Variants in DNAH5 observed in about 807,000 individuals in gnomAD.
The protein encoded by DNAH5 is axonemal beta dynein heavy chain 5.
DNAH5 carries 372 observed loss-of-function variants against 518.2 expected under a neutral mutation model. The observed-to-expected ratio is 0.72, with a 90% confidence interval of 0.66 to 0.78. DNAH5 has a LOEUF of 0.78. Among genes scored for constraint, DNAH5 ranks in the 30% least tolerant of loss-of-function variants. DNAH5 has a pLI of 0.00. For synonymous variants in DNAH5, 2,039 were observed against 2,025.9 expected (o/e 1.01, Z -0.17); for missense variants, 5,523 against 5,687.0 (o/e 0.97, Z 0.93).
intron 1 of DNAH5, among the ~76,000 whole-genome samples, chr5:13,984,461 A>G (rs1782893599): frequency 6.6e-6 from 1 of 152,208 alleles, no homozygotes; most frequent in African/African-American, 2.4e-5. Context: ...ATATATAATC[A>G]TGTCATCTGC....
At chr5:13,952,861 C>A (rs1200894706) in intron 1 of DNAH5, among the ~76,000 whole-genome samples, 3 of 152,168 alleles carry the variant, frequency 2.0e-5, no homozygotes, top group Admixed American at 6.5e-5. Flanking sequence ...TAGCTCACTG[C>A]AGCCTGGAAT....
At chr5:13,942,791 C>A (rs1323627367) in intron 1 of DNAH5, among the ~76,000 whole-genome samples, 1 of 152,202 alleles carries the variant, frequency 6.6e-6, no homozygotes, top group Admixed American at 6.5e-5. Flanking sequence ...CAAATCCTCA[C>A]TTGGCCATGC....
chr5:13,943,746 T>C (rs1779673997), intron 1 of DNAH5, among the ~76,000 whole-genome samples: 1 of 152,198 alleles, frequency 6.6e-6, no homozygotes, highest in African/African-American at 2.4e-5. Flanking sequence ...GACACAGTGA[T>C]CAAGCCCAGT....
chr5:13,739,555 T>C (rs78780491), intron 65 of DNAH5, among the ~76,000 whole-genome samples: 1,760 of 152,292 alleles, frequency 0.012, 27 homozygotes, highest in African/African-American at 0.04. Context: ...AATGGACTAA[T>C]ACAGTAGGTT....
chr5:13,868,270 ACCATTAG>A (rs1236454804), intron 24 of DNAH5, among the ~76,000 whole-genome samples: 1 of 152,172 alleles, frequency 6.6e-6, no homozygotes, highest in Non-Finnish European at 1.5e-5. Context: ...AAAACCATAA[ACCATTAG>A]ACAAATAAAA....
intron 21 of DNAH5, among the ~76,000 whole-genome samples, chr5:13,878,679 G>C (rs527506231): frequency 2.8e-4 from 42 of 152,288 alleles, no homozygotes; most frequent in African/African-American, 9.4e-4. Context: ...GCTAGCTCTG[G>C]GAGTCAGTGG....
chr5:13,878,430 C>G (rs560452983), intron 21 of DNAH5, among the ~76,000 whole-genome samples: 4 of 152,178 alleles, frequency 2.6e-5, no homozygotes, highest in African/African-American at 9.7e-5. Context: ...GGCACCCCCC[C>G]GCCTAGTGTC....
intron 1 of DNAH5, among the ~76,000 whole-genome samples, chr5:14,011,567 AC>A: frequency 6.6e-6 from 1 of 152,192 alleles, no homozygotes; most frequent in South Asian, 2.1e-4. Context: ...GAGCCAGGGA[AC>A]CCCGGGCCGC....
intron 41 of DNAH5, among the ~76,000 whole-genome samples, chr5:13,818,931 C>T (rs1197573245): frequency 6.6e-6 from 1 of 152,128 alleles, no homozygotes; most frequent in Non-Finnish European, 1.5e-5. Flanking sequence ...ATTAATGTTT[C>T]CTCTACTACT....
chr5:13,790,581 TCTC>T (rs1301515373), intron 50 of DNAH5, among the ~76,000 whole-genome samples: 2 of 152,162 alleles, frequency 1.3e-5, no homozygotes, highest in Non-Finnish European at 2.9e-5. Context: ...CCCATGGTGT[TCTC>T]CTGATAGTGA....
At chr5:13,952,580 C>A (rs1780499429) in intron 1 of DNAH5, among the ~76,000 whole-genome samples, 1 of 152,144 alleles carries the variant, frequency 6.6e-6, no homozygotes, top group Non-Finnish European at 1.5e-5. Flanking sequence ...TATGTCTTAC[C>A]CATGACTGTA....
At position 13,923,356 on chromosome 5, in the gene DNAH5, A is replaced by C; in HGVS notation, c.362T>G (p.Val121Gly). The change falls in exon 4 of 79, where the codon GTG becomes GGG. Residue 121 changes from valine (V) to glycine (G), a missense_variant. By Grantham distance (109) the Val-to-Gly change is moderately radical. Coordinates refer to ENST00000265104, the MANE Select transcript of DNAH5 (RefSeq NM_001369.3). ...GAACACACATACCCCAGTAAGAGCC[A>C]CATCGTTTCCCTCGGTCACGAACAC... is the stretch of plus-strand genomic sequence containing the variant. ...PKVFVTEGND[V>G]ALTGVCVFFI... 6.2e-7 allele frequency: 1 copy of C among 1,614,224 alleles called. No homozygotes were observed.
chr5:13,866,018 C>G, intron 26 of DNAH5, 112 bp from the exon 27 acceptor site: 1 of 905,984 alleles, frequency 1.1e-6, no homozygotes, highest in Non-Finnish European at 1.8e-6. Flanking sequence ...TCTCTGGGCA[C>G]ATGTAAATAG....
At position 13,798,667 on chromosome 5, in the gene DNAH5, A is replaced by AAACTCTAT. The variant is rs1159142205; in HGVS notation, c.7888-4617_7888-4610dup. ...ACAAAATATAAGACAAAAAAAAGCA[A>AAACTCTAT]AACTCTATACAACTGTCCTTGAGAA... On this transcript the variant is annotated intron_variant, in intron 47 of 78. Transcript: ENST00000265104. Among the ~76,000 whole-genome samples the AAACTCTAT allele has an allele frequency of 2.1e-5, 3 of 146,162 alleles. No individual in the cohort carries two copies. In the Admixed American group the frequency reaches 2.1e-4, roughly 10 times the overall value.
chr5:13,803,288 A>G (rs1561300383), intron 47 of DNAH5, among the ~76,000 whole-genome samples: 1 of 152,212 alleles, frequency 6.6e-6, no homozygotes, highest in Non-Finnish European at 1.5e-5. Context: ...TTTTATTGTA[A>G]TTCAAACAAA....
At chr5:13,929,129 T>A (rs1411003215) in intron 2 of DNAH5, among the ~76,000 whole-genome samples, 4 of 152,320 alleles carry the variant, frequency 2.6e-5, no homozygotes, top group Non-Finnish European at 4.4e-5. Context: ...GGTATACATA[T>A]ACAAGGGAAT....
chr5:13,847,768 A>ATG (rs368651028), intron 31 of DNAH5, among the ~76,000 whole-genome samples: 46 of 150,184 alleles, frequency 3.1e-4, no homozygotes, highest in Non-Finnish European at 4.4e-4. Context: ...GGGATTTCGC[A>ATG]TGTGTGTGTG....
In DNAH5 at chr5:13,716,807, G is replaced by A. The variant is rs895583910; in HGVS notation, c.12706-117C>T. ...TCATTCAGTCAGTCACTCTTCATCA[G>A]TACTGCAAAGAGAAAGTGCAGAAAG... On this transcript the variant is annotated intron_variant, in intron 73 of 78. Coordinates refer to ENST00000265104, the MANE Select transcript of DNAH5 (RefSeq NM_001369.3). The A allele has an allele frequency of 4.0e-6, 3 of 752,290 alleles. No individual in the cohort carries two copies. The African/African-American group carries it at 5.2e-5, about 13-fold the overall frequency. 46.6% of individuals were successfully genotyped at this position (752,290 alleles called of 1,614,324 possible).
chr5:14,006,047 T>G (rs1388928326), intron 1 of DNAH5, among the ~76,000 whole-genome samples: 1 of 99,336 alleles, frequency 1.0e-5, no homozygotes, highest in East Asian at 3.5e-4. Context: ...CCTTTTGTCT[T>G]GCTTCTTTCT....
Sources: allele counts gnomAD v4.1 joint callset (sites outside exome capture counted in the v4.1 genomes callset), GRCh38; gene constraint gnomAD v4.1.1; transcripts MANE v1.5; gene names NCBI Gene and HGNC (gene_info 2026-07-23, HGNC 2026-07-21).